CCDC178: variants seen among roughly 807,000 people sequenced by gnomAD.
CCDC178 encodes the protein coiled-coil domain containing 178.
A neutral mutation model predicts 117.4 loss-of-function variants in CCDC178; 126 were observed. The ratio of observed to expected loss-of-function variants is 1.07; its 90% CI spans 0.93 to 1.24. The LOEUF is 1.24. Among genes scored for constraint, CCDC178 ranks in the 50% most tolerant of loss-of-function variants. The probability of loss-of-function intolerance (pLI) is 0.00; values close to 1 mark genes in which losing one functional copy is unlikely to be tolerated. For missense variants in CCDC178, 1,030 were observed against 986.9 expected (o/e 1.04, Z -0.59); for synonymous variants, 283 against 313.4 (o/e 0.90, Z 1.02).
intron 21 of CCDC178, among the ~76,000 whole-genome samples, chr18:33,019,157 T>C (rs1199633005): frequency 6.6e-6 from 1 of 152,154 alleles, no homozygotes; most frequent in Non-Finnish European, 1.5e-5. Flanking sequence ...CCGTAGTGCC[T>C]GGAAATCGGC....
At chr18:33,062,600 T>G (rs908645058) in intron 21 of CCDC178, among the ~76,000 whole-genome samples, 1 of 152,082 alleles carries the variant, frequency 6.6e-6, no homozygotes, top group East Asian at 1.9e-4. Flanking sequence ...AGTCTATAGT[T>G]TCACCATGAA....
At position 33,212,025 on chromosome 18, in the gene CCDC178, C is replaced by T. The variant is rs760847755; in HGVS notation, c.2109G>A (p.Arg703=). ...GATCAAACACAGTTTGTGCATGTTC[C>T]CTTTTAAATCTCATAGTTATAAATT... The part of the protein sequence containing the change: ...KNKFITMRFK[R]EHAQTVFDHY... Residue 703 remains arginine (R), a synonymous_variant, in exon 20 of 23, where the codon AGG becomes AGA. Transcript: ENST00000383096. 2 of 1,593,818 alleles carry T rather than the reference C, an allele frequency of 1.3e-6. No homozygotes were observed. The highest frequency in any genetic ancestry group is 1.7e-6 in the Non-Finnish European group (2 of 1,172,618).
At chr18:33,150,490 A>G (rs947355934) in intron 20 of CCDC178, among the ~76,000 whole-genome samples, 2 of 152,246 alleles carry the variant, frequency 1.3e-5, no homozygotes, top group African/African-American at 4.8e-5. Context: ...GCATCTGAGA[A>G]AGGACTAATA....
intron 14 of CCDC178, among the ~76,000 whole-genome samples, chr18:33,265,873 C>A (rs1328332789): frequency 6.6e-6 from 1 of 151,906 alleles, no homozygotes; most frequent in Non-Finnish European, 1.5e-5. Context: ...ATGACGATAG[C>A]TTGTACTAGA....
intron 20 of CCDC178, among the ~76,000 whole-genome samples, chr18:33,157,063 G>A (rs1216119626): frequency 6.6e-6 from 1 of 152,144 alleles, no homozygotes; most frequent in Non-Finnish European, 1.5e-5. Context: ...TGATGGCTAA[G>A]TACTTTCTTT....
intron 20 of CCDC178, among the ~76,000 whole-genome samples, chr18:33,189,609 C>T (rs1035126900): frequency 1.3e-5 from 2 of 152,062 alleles, no homozygotes; most frequent in Non-Finnish European, 2.9e-5. Flanking sequence ...CCTGTTTTGG[C>T]TAAGCAATTG....
chr18:33,057,701 C>T (rs1468032650), intron 21 of CCDC178, among the ~76,000 whole-genome samples: 1 of 152,056 alleles, frequency 6.6e-6, no homozygotes, highest in Non-Finnish European at 1.5e-5. Flanking sequence ...ACCATGTTGG[C>T]CAGGCTGGTC....
intron 14 of CCDC178, among the ~76,000 whole-genome samples, chr18:33,252,498 C>T (rs750179304): frequency 1.3e-5 from 2 of 151,508 alleles, no homozygotes; most frequent in African/African-American, 2.4e-5. Context: ...AAAGTAAAAT[C>T]ATTTAAAACA....
At chr18:33,401,182 A>C (rs1045106581) in intron 3 of CCDC178, among the ~76,000 whole-genome samples, 3 of 152,208 alleles carry the variant, frequency 2.0e-5, no homozygotes, top group Non-Finnish European at 2.9e-5. Flanking sequence ...ATAACAGATA[A>C]AAATAATGAA....
At chr18:33,341,117 C>T (rs2062811811) in intron 9 of CCDC178, among the ~76,000 whole-genome samples, 1 of 152,202 alleles carries the variant, frequency 6.6e-6, no homozygotes, top group African/African-American at 2.4e-5. Flanking sequence ...TGGGAACCTA[C>T]CTCTTACATC....
intron 12 of CCDC178, among the ~76,000 whole-genome samples, chr18:33,282,541 G>A (rs547672654): frequency 1.3e-5 from 2 of 152,080 alleles, no homozygotes; most frequent in Non-Finnish European, 2.9e-5. Context: ...CTCGAGTGGG[G>A]CCCACACCAT....
At chr18:33,319,905 G>A (rs984486366) in intron 11 of CCDC178, among the ~76,000 whole-genome samples, 1 of 151,924 alleles carries the variant, frequency 6.6e-6, no homozygotes, top group Admixed American at 6.6e-5. Flanking sequence ...TTATAAATTT[G>A]TTTGAGTTCT....
At chr18:33,065,322 A>T (rs571510178) in intron 21 of CCDC178, among the ~76,000 whole-genome samples, 2 of 152,172 alleles carry the variant, frequency 1.3e-5, no homozygotes, top group Non-Finnish European at 2.9e-5. Context: ...TCATTATACA[A>T]CATATATATG....
At chr18:33,364,620 A>G (rs951800410) in intron 6 of CCDC178, among the ~76,000 whole-genome samples, 40 of 151,944 alleles carry the variant, frequency 2.6e-4, no homozygotes, top group Admixed American at 2.0e-4. Context: ...AGAATATGCA[A>G]TGCAGTGAGG....
chr18:33,272,996 C>CT (rs780633711), intron 12 of CCDC178, among the ~76,000 whole-genome samples: 15 of 149,642 alleles, frequency 1.0e-4, no homozygotes, highest in African/African-American at 1.5e-4. Flanking sequence ...CTCTTATTGT[C>CT]TTTTTTTTAA....
chr18:33,191,286 G>C (rs1338737556), intron 20 of CCDC178, among the ~76,000 whole-genome samples: 1 of 151,958 alleles, frequency 6.6e-6, no homozygotes, highest in Non-Finnish European at 1.5e-5. Context: ...GTTCACTGGA[G>C]ACAAGATCTT....
intron 20 of CCDC178, among the ~76,000 whole-genome samples, chr18:33,193,793 T>A (rs1321721792): frequency 6.6e-6 from 1 of 152,214 alleles, no homozygotes; most frequent in East Asian, 1.9e-4. Context: ...GCATACTGCA[T>A]GTCTCAGTCT....
intron 4 of CCDC178, among the ~76,000 whole-genome samples, chr18:33,394,967 ATAT>A (rs2063615320): frequency 7.5e-6 from 1 of 134,170 alleles, no homozygotes; most frequent in African/African-American, 2.7e-5. Flanking sequence ...ATATATATAT[ATAT>A]ATATATATAT....
intron 20 of CCDC178, among the ~76,000 whole-genome samples, chr18:33,112,955 C>G (rs1274905521): frequency 6.6e-6 from 1 of 151,932 alleles, no homozygotes; most frequent in Non-Finnish European, 1.5e-5. Context: ...TGGCTAATCC[C>G]TAGGATTCCT....
Sources: gnomAD v4.1 joint callset for allele counts (sites outside exome capture counted in the v4.1 genomes callset) on GRCh38, gnomAD v4.1.1 for gene constraint, MANE v1.5 for transcripts, NCBI Gene and HGNC (gene_info 2026-07-23, HGNC 2026-07-21) for gene names.